The following OR6N1 variants were observed in gnomAD, a reference collection of about 807,000 sequenced individuals.
The protein encoded by OR6N1 is olfactory receptor 6N1.
For synonymous variants in OR6N1, 170 were observed against 150.7 expected, an observed-to-expected ratio of 1.13 and a Z score of -0.94; for missense variants, 394 against 371.7, an observed-to-expected ratio of 1.06 and a Z score of -0.49.
chr1:158,782,401 G>T, the OR6N1 span, among the ~76,000 whole-genome samples: 2 of 152,158 alleles, frequency 1.3e-5, no homozygotes, highest in African/African-American at 2.4e-5. Flanking sequence ...TATTTGGGTT[G>T]CTTTGAGAAT....
At chr1:158,787,002 C>T in the OR6N1 span, among the ~76,000 whole-genome samples, 1 of 151,814 alleles carries the variant, frequency 6.6e-6, no homozygotes, top group East Asian at 1.9e-4. Context: ...TTTTTTTTAT[C>T]TCATGTTGAA....
the OR6N1 span, among the ~76,000 whole-genome samples, chr1:158,828,852 T>C: frequency 6.6e-5 from 10 of 152,334 alleles, no homozygotes; most frequent in East Asian, 1.9e-3. Context: ...TCCATACATC[T>C]TCTGAAATCT....
rs1316469299 is a variant in OR6N1 at position 158,766,307 on chromosome 1, T to C, written c.376A>G (p.Ile126Val). ...GTTGGGTAGTGGAGGGGCCGGCAGA[T>C]GGCTAAATACCTATCGTAGGCCATA... ...TAMAYDRYLA[I>V]CRPLHYPTLM... is the part of the protein sequence containing the mutation. The change falls in exon 2 of 2, where the codon ATC (isoleucine) becomes GTC (valine). Residue 126 changes from isoleucine to valine, a missense_variant. By Grantham distance (29) the Ile-to-Val change is conservative. Coordinates refer to ENST00000641846, the MANE Select transcript of OR6N1 (RefSeq NM_001005185.2). The C allele has an allele frequency of 1.2e-6, 2 of 1,613,932 alleles. No homozygotes were observed. Among genetic ancestry groups the C allele is most frequent in the East Asian group, 4.5e-5 (2 of 44,874 alleles).
At chr1:158,787,620 A>ATCTCTCTG in the OR6N1 span, among the ~76,000 whole-genome samples, 1 of 122,574 alleles carries the variant, frequency 8.2e-6, no homozygotes, top group Non-Finnish European at 1.7e-5. Flanking sequence ...CTATCTCTCT[A>ATCTCTCTG]TCTCTCTCTC....
chr1:158,833,424 C>A, the OR6N1 span, among the ~76,000 whole-genome samples: 1 of 152,210 alleles, frequency 6.6e-6, no homozygotes, highest in African/African-American at 2.4e-5. Context: ...CAACCAACCT[C>A]CAGAACGCCT....
the OR6N1 span, among the ~76,000 whole-genome samples, chr1:158,813,139 G>A: frequency 6.6e-6 from 1 of 152,206 alleles, no homozygotes; most frequent in East Asian, 1.9e-4. Context: ...GAGGCTGCAA[G>A]GAGCAGACCT....
chr1:158,799,074 C>T, the OR6N1 span, among the ~76,000 whole-genome samples: 1 of 152,190 alleles, frequency 6.6e-6, no homozygotes, highest in African/African-American at 2.4e-5. Flanking sequence ...TACTAGACCC[C>T]ACTTTCAAAG....
chr1:158,786,431 G>C, the OR6N1 span, among the ~76,000 whole-genome samples: 1 of 152,194 alleles, frequency 6.6e-6, no homozygotes. Flanking sequence ...ATAAAAAACA[G>C]TAGGGAGATT....
At chr1:158,822,212 C>A in the OR6N1 span, among the ~76,000 whole-genome samples, 1 of 151,958 alleles carries the variant, frequency 6.6e-6, no homozygotes, top group Non-Finnish European at 1.5e-5. Flanking sequence ...CATATGAATT[C>A]TAAAATAGTT....
At chr1:158,777,646 G>A in the OR6N1 span, 1 of 1,556,400 alleles carries the variant, frequency 6.4e-7, no homozygotes, top group East Asian at 2.3e-5. Flanking sequence ...GGGAGGCTGA[G>A]GTAAAGAAGG....
the OR6N1 span, among the ~76,000 whole-genome samples, chr1:158,793,537 G>T: frequency 6.6e-6 from 1 of 152,108 alleles, no homozygotes; most frequent in African/African-American, 2.4e-5. Context: ...CAATGGCAAA[G>T]ACTCTATGAA....
At chr1:158,838,845 A>G in the OR6N1 span, among the ~76,000 whole-genome samples, 7 of 152,234 alleles carry the variant, frequency 4.6e-5, 1 homozygote, top group African/African-American at 1.7e-4. Context: ...TCTTCTGCCT[A>G]TTGGTGTGGG....
chr1:158,811,940 C>G, the OR6N1 span, among the ~76,000 whole-genome samples: 1,089 of 152,256 alleles, frequency 7.2e-3, 8 homozygotes, highest in African/African-American at 0.025. Flanking sequence ...AAAAAACTAT[C>G]CAGGTGCTTG....
the OR6N1 span, among the ~76,000 whole-genome samples, chr1:158,834,761 C>A: frequency 0.065 from 9,815 of 152,150 alleles, 434 homozygotes; most frequent in African/African-American, 0.12. Context: ...GTTTTAATTC[C>A]TACATTTAGA....
chr1:158,827,099 G>T, the OR6N1 span, among the ~76,000 whole-genome samples: 50 of 152,286 alleles, frequency 3.3e-4, no homozygotes, highest in Non-Finnish European at 2.9e-4. Flanking sequence ...TAAAAAGTAG[G>T]AAATTTACAA....
At chr1:158,825,715 G>C in the OR6N1 span, among the ~76,000 whole-genome samples, 1 of 152,138 alleles carries the variant, frequency 6.6e-6, no homozygotes, top group Admixed American at 6.5e-5. Context: ...AAAGTACTGT[G>C]ACAATTCCTC....
the OR6N1 span, among the ~76,000 whole-genome samples, chr1:158,784,077 G>C: frequency 6.6e-6 from 1 of 152,122 alleles, no homozygotes; most frequent in African/African-American, 2.4e-5. Flanking sequence ...CTGCACTGCA[G>C]CCTGGGCGAC....
chr1:158,839,359 C>G, the OR6N1 span, among the ~76,000 whole-genome samples: 1 of 152,104 alleles, frequency 6.6e-6, no homozygotes, highest in Non-Finnish European at 1.5e-5. Flanking sequence ...CTGTAATTTC[C>G]CTAAGAGCCA....
the OR6N1 span, among the ~76,000 whole-genome samples, chr1:158,829,479 G>A: frequency 4.6e-4 from 70 of 152,132 alleles, no homozygotes; most frequent in African/African-American, 1.6e-3. Flanking sequence ...AGTCACCTTT[G>A]CTCCAGTTCC....
Sources: allele counts gnomAD v4.1 joint callset (sites outside exome capture counted in the v4.1 genomes callset), GRCh38; gene constraint gnomAD v4.1.1; transcripts MANE v1.5; gene names NCBI Gene and HGNC (gene_info 2026-07-23, HGNC 2026-07-21).